Variants in ACTN4 observed in about 807,000 individuals in gnomAD.
ACTN4 encodes the protein alpha-actinin-4.
In ACTN4, 18 loss-of-function variants were observed where a neutral mutation model predicts 114.2. That is an observed-to-expected ratio of 0.16 (90% CI 0.11 to 0.23). The LOEUF (loss-of-function observed/expected upper bound fraction) is 0.23, where lower values mean the gene tolerates loss of function less well. ACTN4 is among the 10% of genes least tolerant of loss of function. ACTN4 has a pLI of 1.00. For missense variants in ACTN4, 722 were observed against 1,262.9 expected (o/e 0.57, Z 6.49); for synonymous variants, 515 against 506.3 (o/e 1.02, Z -0.23).
In ACTN4 at chr19:38,692,915, G is replaced by A. The variant is rs180822186; in HGVS notation, c.163-7685G>A. Among the ~76,000 whole-genome samples the A allele has an allele frequency of 7.9e-5, 12 of 152,148 alleles. No individual in the cohort carries two copies. In the East Asian group the frequency reaches 1.9e-3, roughly 25 times the overall value. Reference sequence around the variant, plus strand: ...AAAGCAACTGATGCCCCAGCGGAGCGACAAACCCTACACGGTATTTCAGAG... The same window carrying A: ...AAAGCAACTGATGCCCCAGCGGAGCAACAAACCCTACACGGTATTTCAGAG... On this transcript the variant is annotated intron_variant, in intron 1 of 20. Transcript: ENST00000252699.
At chr19:38,709,713 A>G (rs2145030074) in intron 7 of ACTN4, among the ~76,000 whole-genome samples, 2 of 152,294 alleles carry the variant, frequency 1.3e-5, no homozygotes, top group Admixed American at 1.3e-4. Flanking sequence ...GAAGAAGCGT[A>G]TGGGGAGGGG....
rs8182552 is a variant in ACTN4, at chr19:38,673,528, C to T, written c.162+25621C>T. Among the ~76,000 whole-genome samples the T allele has an allele frequency of 1.1e-3, 67 of 63,090 alleles. 1 individual carries two copies. The highest frequency in any genetic ancestry group is 1.2e-3 in the Admixed American group (7 of 5,646). 41.4% of individuals were successfully genotyped at this position (63,090 alleles called of 152,430 possible). A position where few individuals can be genotyped will look rare whatever the true frequency, so the allele number is the denominator to read the frequency against. On this transcript the variant is annotated intron_variant, in intron 1 of 20. Transcript: ENST00000252699. ...ATATGAATATATATTTATATATATT[C>T]ATATATACTTATATATATTTATATA...
intron 9 of ACTN4, among the ~76,000 whole-genome samples, chr19:38,716,768 T>TTGC (rs1163989178): frequency 2.0e-5 from 3 of 151,964 alleles, no homozygotes; most frequent in Non-Finnish European, 4.4e-5. Context: ...GCCCGGGAGG[T>TTGC]TGCTATGATC....
Position 38,717,927 on chromosome 19 carries a change from G to T in ACTN4, c.1144G>T (p.Asp382Tyr). 6.3e-7 allele frequency: 1 copy of T among 1,596,522 alleles called. No homozygotes were observed. Among genetic ancestry groups the T allele is most frequent in the Non-Finnish European group, 8.5e-7 (1 of 1,170,962 alleles). ...CCTGCCTGCTCCTGCCCTGCCCCAG[G>T]ACATCAACAATGGCTGGCAGCACTT... ...FMPSEGKMVS[D>Y]INNGWQHLEQ... Residue 382 changes from aspartate to tyrosine, a missense_variant and splice_region_variant, in exon 11 of 21, where the codon GAC becomes TAC. By Grantham distance (160) the Asp-to-Tyr change is radical (BLOSUM62 -3). This residue lies in a region of ACTN4 where 523 missense variants were observed against 875.9 expected (regional missense o/e 0.60). Transcript: ENST00000252699. This position sits in a 1 kb window ranked among gnomAD's most constrained non-coding sequence, Gnocchi z 4.0.
rs751495872 is a variant in ACTN4, at chr19:38,704,956, G to A, written c.420G>A (p.Lys140=). The change falls in exon 4 of 21, where the codon AAG becomes AAA. Residue 140 remains lysine (K), a synonymous_variant. Coordinates refer to ENST00000252699, the MANE Select transcript of ACTN4 (RefSeq NM_004924.6). ...GAEEIVDGNA[K]MTLGMIWTII... ...CAGAGATTGTGGACGGCAACGCAAA[G>A]ATGACCCTGGGAATGATCTGGACCA... 3.8e-5 allele frequency: 61 copies of A among 1,614,252 alleles called. No homozygotes were observed. Among genetic ancestry groups the A allele is most frequent in the Non-Finnish European group, 5.2e-5 (61 of 1,180,044 alleles).
At chr19:38,714,629 G>A in intron 9 of ACTN4, 68 bp downstream of exon 9, 1 of 1,518,334 alleles carries the variant, frequency 6.6e-7, no homozygotes, top group Non-Finnish European at 9.1e-7. Flanking sequence ...TGTGACTCTT[G>A]CAGGGGGAAA....
intron 1 of ACTN4, among the ~76,000 whole-genome samples, chr19:38,697,288 C>T (rs1471886323): frequency 1.3e-5 from 2 of 152,228 alleles, no homozygotes; most frequent in African/African-American, 4.8e-5. Context: ...ATCCCATTTT[C>T]CCTGCATACC....
Position 38,730,909 on chromosome 19 carries a change from G to A in ACTN4, c.*1477G>A, listed in dbSNP as rs1443784931. ...GAAGAGAAGGAAGACAGTGGCTTGAGGCAGGGAGCTCGCAGGACAGAGCCT... is the reference window on the plus strand; with the variant it reads ...GAAGAGAAGGAAGACAGTGGCTTGAAGCAGGGAGCTCGCAGGACAGAGCCT... On this transcript the variant is annotated 3_prime_UTR_variant, in exon 21 of 21. Transcript: ENST00000252699. 25 of 1,550,740 alleles carry A rather than the reference G, an allele frequency of 1.6e-5. No homozygotes were observed. Among genetic ancestry groups the A allele is most frequent in the Admixed American group, 7.8e-5 (4 of 51,020 alleles).
At chr19:38,660,245 A>G (rs1351016976) in intron 1 of ACTN4, among the ~76,000 whole-genome samples, 13 of 152,090 alleles carry the variant, frequency 8.5e-5, no homozygotes, top group Admixed American at 5.9e-4. Context: ...TTCTTGATCT[A>G]TCACAGGCTG....
In ACTN4 at chr19:38,723,609, C is replaced by G; in HGVS notation, c.1443-5C>G. 4 of 1,604,660 alleles carry G rather than the reference C, an allele frequency of 2.5e-6. No homozygotes were observed. Among genetic ancestry groups the G allele is most frequent in the Non-Finnish European group, 3.4e-6 (4 of 1,174,362 alleles). Reference sequence around the variant, plus strand: ...GAGTCTCATTGCTCTCTGCCCGGCCCGCAGCGAGCTGGATTACTACGACTC... The same window carrying G: ...GAGTCTCATTGCTCTCTGCCCGGCCGGCAGCGAGCTGGATTACTACGACTC... On this transcript the variant is annotated splice_region_variant and splice_polypyrimidine_tract_variant and intron_variant, in intron 12 of 20. Transcript: ENST00000252699.
At chr19:38,696,624 G>C (rs1599813985) in intron 1 of ACTN4, among the ~76,000 whole-genome samples, 1 of 152,218 alleles carries the variant, frequency 6.6e-6, no homozygotes, top group Non-Finnish European at 1.5e-5. Flanking sequence ...TGTTCCCAAG[G>C]GTGGCCTTGT....
At chr19:38,705,300 C>T (rs948588660) in intron 4 of ACTN4, among the ~76,000 whole-genome samples, 2 of 152,204 alleles carry the variant, frequency 1.3e-5, no homozygotes, top group African/African-American at 2.4e-5. Context: ...TGGCTGGGCC[C>T]GTTTTACAGT....
Position 38,708,202 on chromosome 19 carries a change from G to A in ACTN4, c.651+7G>A, listed in dbSNP as rs772036360. 2 of 1,614,080 alleles carry A rather than the reference G, an allele frequency of 1.2e-6. No individual in the cohort carries two copies. Among genetic ancestry groups the A allele is most frequent in the South Asian group, 2.2e-5 (2 of 91,080 alleles). ...GTATGACAAGCTGAGGAAGGTGAGT[G>A]TCTCCAGCTCCCCTTGATGGCCCAC... is the stretch of plus-strand genomic sequence containing the variant. On this transcript the variant is annotated splice_region_variant and intron_variant, in intron 6 of 20. Coordinates refer to ENST00000252699, the MANE Select transcript of ACTN4 (RefSeq NM_004924.6).
At chr19:38,673,567 T>TAAA (rs1568689910) in intron 1 of ACTN4, among the ~76,000 whole-genome samples, 1 of 94,142 alleles carries the variant, frequency 1.1e-5, no homozygotes, top group Non-Finnish European at 2.0e-5. Context: ...TTATATATAT[T>TAAA]TATATATATT....
chr19:38,668,680 A>G (rs888656145), intron 1 of ACTN4, among the ~76,000 whole-genome samples: 28 of 151,926 alleles, frequency 1.8e-4, no homozygotes, highest in African/African-American at 6.3e-4. Context: ...GTGAGACTCC[A>G]TCGCAAAAAA....
chr19:38,713,165 G>A (rs1968717639), intron 8 of ACTN4, among the ~76,000 whole-genome samples: 1 of 152,140 alleles, frequency 6.6e-6, no homozygotes, highest in South Asian at 2.1e-4. Context: ...GCGCCAGTGT[G>A]CCCATTCTGT....
chr19:38,678,957 C>G (rs1015661312), intron 1 of ACTN4, among the ~76,000 whole-genome samples: 1 of 152,136 alleles, frequency 6.6e-6, no homozygotes, highest in Admixed American at 6.5e-5. Flanking sequence ...CTTTGCTTTG[C>G]CCAGCGGCCT....
chr19:38,654,561 CA>C (rs35967763), intron 1 of ACTN4, among the ~76,000 whole-genome samples: 8,343 of 96,220 alleles, frequency 0.087, 221 homozygotes, highest in South Asian at 0.17. Flanking sequence ...GGCTCCGTCT[CA>C]AAAAAAAAAA....
At chr19:38,673,272 A>G (rs1341377931) in intron 1 of ACTN4, among the ~76,000 whole-genome samples, 1 of 150,970 alleles carries the variant, frequency 6.6e-6, no homozygotes, top group African/African-American at 2.4e-5. Context: ...ATTTATTTAT[A>G]CCCACTATGT....
Sources: allele counts gnomAD v4.1 joint callset (sites outside exome capture counted in the v4.1 genomes callset), GRCh38; gene constraint gnomAD v4.1.1; regional missense constraint gnomAD v4.1.1; non-coding constraint Gnocchi (gnomAD v3.1); transcripts MANE v1.5; gene names NCBI Gene and HGNC (gene_info 2026-07-23, HGNC 2026-07-21).